The following LZTFL1 variants were observed in gnomAD, a reference collection of about 807,000 sequenced individuals.
The protein encoded by LZTFL1 is leucine zipper transcription factor-like protein 1.
LZTFL1 carries 25 observed loss-of-function variants against 45.9 expected under a neutral mutation model. The ratio of observed to expected loss-of-function variants is 0.54; its 90% CI spans 0.40 to 0.76. LZTFL1 has a LOEUF of 0.76. Among genes scored for constraint, LZTFL1 ranks in the 30% least tolerant of loss-of-function variants. LZTFL1 has a pLI of 0.00. For synonymous variants in LZTFL1, 93 were observed against 117.4 expected, an observed-to-expected ratio of 0.79 and a Z score of 1.35; for missense variants, 277 against 331.1, an observed-to-expected ratio of 0.84 and a Z score of 1.27.
intron 1 of LZTFL1, among the ~76,000 whole-genome samples, chr3:45,840,830 C>G (rs1207738112): frequency 6.6e-6 from 1 of 152,176 alleles, no homozygotes; most frequent in African/African-American, 2.4e-5. Flanking sequence ...AAGGAGGAAA[C>G]TGTAATGATA....
At chr3:45,857,317 C>A (rs1048388927) in intron 3 of LZTFL1, among the ~76,000 whole-genome samples, 1 of 151,954 alleles carries the variant, frequency 6.6e-6, no homozygotes, top group Non-Finnish European at 1.5e-5. Context: ...GGGAACTGAA[C>A]AATGAGAACA....
At chr3:45,873,935 G>T (rs974107180) in intron 2 of LZTFL1, among the ~76,000 whole-genome samples, 1 of 152,128 alleles carries the variant, frequency 6.6e-6, no homozygotes, top group Non-Finnish European at 1.5e-5. Flanking sequence ...CAGTAGTGAT[G>T]GCTCCCTCTG....
chr3:45,849,072 C>G (rs969676783), intron 4 of LZTFL1, among the ~76,000 whole-genome samples: 1 of 152,196 alleles, frequency 6.6e-6, no homozygotes. Flanking sequence ...GTTGGGAGAA[C>G]AAAGATGAAG....
chr3:45,895,067 G>GCA, intron 2 of LZTFL1: 1 of 1,169,646 alleles, frequency 8.5e-7, no homozygotes, highest in Non-Finnish European at 1.3e-6. Flanking sequence ...GGTTTCCCAG[G>GCA]GTAAGATCTC....
intron 2 of LZTFL1, chr3:45,897,535 C>T (rs1010116743): frequency 4.7e-6 from 7 of 1,490,428 alleles, no homozygotes; most frequent in South Asian, 3.6e-5. Context: ...GATTTCTGCA[C>T]AATTTCTCCC....
At chr3:45,847,010 A>G (rs1246465623), upstream of LZTFL1, among the ~76,000 whole-genome samples, 2 of 152,168 alleles carry the variant, frequency 1.3e-5, no homozygotes, top group Admixed American at 6.5e-5. Context: ...ATTCTTCCAG[A>G]TTGTCTAATG....
chr3:45,863,435 A>G (rs916429185), intron 2 of LZTFL1, among the ~76,000 whole-genome samples: 1 of 152,226 alleles, frequency 6.6e-6, no homozygotes, highest in East Asian at 1.9e-4. Context: ...TGGTGCCAAA[A>G]TAACAGTATG....
chr3:45,849,152 G>A (rs1701269454), intron 4 of LZTFL1, among the ~76,000 whole-genome samples: 1 of 152,206 alleles, frequency 6.6e-6, no homozygotes, highest in Non-Finnish European at 1.5e-5. Flanking sequence ...ATCATGTCAT[G>A]TCAACATAAT....
At chr3:45,878,157 C>T (rs1350403893) in intron 2 of LZTFL1, among the ~76,000 whole-genome samples, 1 of 152,138 alleles carries the variant, frequency 6.6e-6, no homozygotes, top group Non-Finnish European at 1.5e-5. Flanking sequence ...CTCACCTCAC[C>T]TACTCATTTT....
At chr3:45,875,259 C>T (rs150393784) in intron 2 of LZTFL1, among the ~76,000 whole-genome samples, 1 of 152,096 alleles carries the variant, frequency 6.6e-6, no homozygotes, top group African/African-American at 2.4e-5. Context: ...TTACCGTATT[C>T]TTAGTATTTA....
At chr3:45,867,397 C>G (rs530986961) in intron 2 of LZTFL1, among the ~76,000 whole-genome samples, 7 of 152,254 alleles carry the variant, frequency 4.6e-5, no homozygotes, top group African/African-American at 1.7e-4. Flanking sequence ...CTGTCCTTGG[C>G]TCCTGCCAAA....
intron 8 of LZTFL1, 72 bp from the exon 9 acceptor site, chr3:45,827,531 T>G: frequency 1.1e-6 from 1 of 936,536 alleles, no homozygotes; most frequent in Non-Finnish European, 1.7e-6. Flanking sequence ...GCGATAAAAA[T>G]ATGTAGTTTT....
chr3:45,875,634 C>T (rs1234695056), intron 2 of LZTFL1, among the ~76,000 whole-genome samples: 1 of 152,010 alleles, frequency 6.6e-6, no homozygotes, highest in Non-Finnish European at 1.5e-5. Flanking sequence ...CCATCCTAGG[C>T]AACATAGTGA....
At chr3:45,865,571 G>GT (rs1450642586) in intron 2 of LZTFL1, among the ~76,000 whole-genome samples, 5 of 152,220 alleles carry the variant, frequency 3.3e-5, no homozygotes, top group African/African-American at 4.8e-5. Context: ...TGGAATAAAA[G>GT]GGAACGTTCA....
At chr3:45,860,404 G>T (rs1432647819) in intron 2 of LZTFL1, among the ~76,000 whole-genome samples, 1 of 152,028 alleles carries the variant, frequency 6.6e-6, no homozygotes, top group Non-Finnish European at 1.5e-5. Flanking sequence ...CAGTGAAAAG[G>T]AAAGGACTTT....
At chr3:45,867,159 A>AC (rs1292359400) in intron 2 of LZTFL1, among the ~76,000 whole-genome samples, 3 of 151,676 alleles carry the variant, frequency 2.0e-5, no homozygotes, top group Non-Finnish European at 2.9e-5. Context: ...AAAAAAAAAA[A>AC]AAAAAAAAAA....
chr3:45,870,024 T>A (rs907114600), intron 2 of LZTFL1, among the ~76,000 whole-genome samples: 2 of 152,256 alleles, frequency 1.3e-5, no homozygotes, highest in Non-Finnish European at 2.9e-5. Flanking sequence ...CACTGCCTCA[T>A]TAAACGAGGG....
chr3:45,884,551 C>G (rs74586549), intron 2 of LZTFL1, among the ~76,000 whole-genome samples: 1 of 151,898 alleles, frequency 6.6e-6, no homozygotes, highest in Non-Finnish European at 1.5e-5. Context: ...CTTCCCACAC[C>G]GGTGCATTTA....
chr3:45,913,122 T>A, exon 2 of LZTFL1: 1 of 1,536,070 alleles, frequency 6.5e-7, no homozygotes, highest in South Asian at 1.2e-5. Context: ...AGACTTACCA[T>A]CTTCCCTGGG....
Sources: allele counts gnomAD v4.1 joint callset (sites outside exome capture counted in the v4.1 genomes callset), GRCh38; gene constraint gnomAD v4.1.1; transcripts MANE v1.5; gene names NCBI Gene and HGNC (gene_info 2026-07-23, HGNC 2026-07-21).